Variants in ENOX2 observed in about 807,000 individuals in gnomAD.
The protein encoded by ENOX2 is APK1 antigen.
In ENOX2, 36 loss-of-function variants were observed where a neutral mutation model predicts 45.0. That is an observed-to-expected ratio of 0.80 (90% confidence interval 0.61 to 1.06). ENOX2 has a LOEUF of 1.06. ENOX2 is among the 50% of genes least tolerant of loss of function. The probability of loss-of-function intolerance (pLI) is 0.00; values close to 1 mark genes in which losing one functional copy is unlikely to be tolerated. For synonymous variants in ENOX2, 174 were observed against 152.3 expected (o/e 1.14, Z -1.05); for missense variants, 423 against 462.5 (o/e 0.91, Z 0.78).
intron 9 of ENOX2, among the ~76,000 whole-genome samples, chrX:130,660,144 G>A (rs2036649361): frequency 9.0e-6 from 1 of 111,523 alleles, no homozygotes; most frequent in Non-Finnish European, 1.9e-5. Context: ...AACTGGCAGA[G>A]CTCAGAGCCC....
At chrX:130,630,421 T>A (rs1466526973) in intron 13 of ENOX2, among the ~76,000 whole-genome samples, 2 of 109,585 alleles carry the variant, frequency 1.8e-5, no homozygotes, top group African/African-American at 3.3e-5. Context: ...GAGGAGAGAG[T>A]GGCTGGAGAT....
chrX:130,846,944 T>C (rs1182252766), intron 2 of ENOX2, among the ~76,000 whole-genome samples: 2 of 112,460 alleles, frequency 1.8e-5, no homozygotes, highest in East Asian at 5.6e-4. Flanking sequence ...GTAGAGTTTT[T>C]CCCACAAAAG....
chrX:130,876,378 G>T (rs1411258285), intron 2 of ENOX2, among the ~76,000 whole-genome samples: 2 of 111,780 alleles, frequency 1.8e-5, no homozygotes, highest in African/African-American at 6.5e-5. Context: ...CCATTCATAT[G>T]GAATGTCCAG....
chrX:130,744,419 T>C (rs2039053960), intron 3 of ENOX2, among the ~76,000 whole-genome samples: 2 of 112,346 alleles, frequency 1.8e-5, no homozygotes, highest in Admixed American at 1.9e-4. Flanking sequence ...GAGACACATT[T>C]ATTTATTTTT....
At chrX:130,703,512 TTCTC>T (rs59009662) in intron 3 of ENOX2, among the ~76,000 whole-genome samples, 1,453 of 105,423 alleles carry the variant, frequency 0.014, 10 homozygotes, top group Non-Finnish European at 0.021. Context: ...CCTTTCTTCC[TTCTC>T]TCTCTCTCTC....
intron 2 of ENOX2, among the ~76,000 whole-genome samples, chrX:130,888,944 C>A (rs1398170223): frequency 9.0e-6 from 1 of 111,649 alleles, no homozygotes; most frequent in Admixed American, 9.5e-5. Context: ...TAATGAGCAT[C>A]TCCTTTTGTT....
At chrX:130,758,426 T>C (rs1174256188) in intron 3 of ENOX2, among the ~76,000 whole-genome samples, 2 of 112,615 alleles carry the variant, frequency 1.8e-5, no homozygotes, top group Admixed American at 1.9e-4. Context: ...TGGAAATTCA[T>C]CGATGTTGTT....
rs1218479855 is a variant in ENOX2, at chrX:130,822,035, T to A, written c.-182-38345A>T. Among the ~76,000 whole-genome samples the A allele has an allele frequency of 5.8e-5, 5 of 85,731 alleles. No individual in the cohort carries two copies. The Admixed American group carries it at 8.2e-4, about 14-fold the overall frequency. The allele number at this position is 85,731 out of a possible 115,157, so 74.4% of individuals were successfully genotyped here. A position where few individuals can be genotyped will look rare whatever the true frequency, so the allele number is the denominator to read the frequency against. ...GTGAGCCGAGATCGCACCACTGCAC[T>A]CCAGCCTGGGTGACAGAGTGAGACT... is the stretch of plus-strand genomic sequence containing the variant. On this transcript the variant is annotated intron_variant, in intron 2 of 14. Transcript: ENST00000394363.
At chrX:130,899,304 T>G (rs2148601909) in intron 2 of ENOX2, among the ~76,000 whole-genome samples, 1 of 112,312 alleles carries the variant, frequency 8.9e-6, no homozygotes, top group African/African-American at 3.2e-5. Context: ...AGGTCCCCAG[T>G]TATATTCATG....
chrX:130,734,764 C>A (rs750843624), intron 3 of ENOX2, among the ~76,000 whole-genome samples: 8 of 112,205 alleles, frequency 7.1e-5, no homozygotes, highest in Admixed American at 9.4e-5. Context: ...TGCATTCATA[C>A]CACTGGCAGA....
intron 10 of ENOX2, among the ~76,000 whole-genome samples, chrX:130,647,654 A>G (rs182654060): frequency 3.6e-5 from 4 of 112,027 alleles, no homozygotes; most frequent in East Asian, 5.6e-4. Context: ...CAACTCTCCT[A>G]TATTCCTTCA....
intron 3 of ENOX2, among the ~76,000 whole-genome samples, chrX:130,725,529 A>C (rs1191022730): frequency 9.2e-6 from 1 of 109,180 alleles, no homozygotes; most frequent in African/African-American, 3.4e-5. Context: ...GACCTACCCC[A>C]CCTCAACATG....
Position 130,765,107 on chromosome X carries a change from A to T in ENOX2, c.-39+18440T>A, listed in dbSNP as rs183660350. ...AAGCATTGGGCTACATACTTTATGA[A>T]TTTGTATTTATTTTAGGGTCTCAGG... On this transcript the variant is annotated intron_variant, in intron 3 of 14. Transcript: ENST00000394363. Among the ~76,000 whole-genome samples the T allele has an allele frequency of 8.4e-3, 930 of 111,311 alleles. 10 individuals are homozygous for T. Among genetic ancestry groups the T allele is most frequent in the African/African-American group, 0.028 (874 of 30,702 alleles).
intron 2 of ENOX2, among the ~76,000 whole-genome samples, chrX:130,857,035 G>C (rs919798652): frequency 1.8e-5 from 2 of 111,702 alleles, no homozygotes; most frequent in Non-Finnish European, 3.8e-5. Flanking sequence ...TCATAATACA[G>C]AGAAAAATTG....
chrX:130,895,299 G>C (rs189769747), intron 2 of ENOX2, among the ~76,000 whole-genome samples: 1 of 111,827 alleles, frequency 8.9e-6, no homozygotes, highest in Admixed American at 9.5e-5. Context: ...AGTAATCCTA[G>C]TGAAGTATGT....
chrX:130,840,639 T>C (rs1284920855), intron 2 of ENOX2, among the ~76,000 whole-genome samples: 1 of 111,042 alleles, frequency 9.0e-6, no homozygotes, highest in Non-Finnish European at 1.9e-5. Context: ...GGGCAAGGCA[T>C]GTGGATTCCT....
intron 10 of ENOX2, among the ~76,000 whole-genome samples, chrX:130,638,357 C>T (rs1275834171): frequency 9.1e-6 from 1 of 109,786 alleles, no homozygotes; most frequent in Non-Finnish European, 1.9e-5. Context: ...TGAGCCACCA[C>T]GCCTGGCCCA....
At chrX:130,888,787 G>A (rs188280062) in intron 2 of ENOX2, among the ~76,000 whole-genome samples, 3 of 111,943 alleles carry the variant, frequency 2.7e-5, no homozygotes, top group Admixed American at 9.5e-5. Context: ...AGCAGGGAAC[G>A]TTTTTGAGAA....
chrX:130,817,215 C>G (rs1434084240), intron 2 of ENOX2, among the ~76,000 whole-genome samples: 1 of 111,622 alleles, frequency 9.0e-6, no homozygotes, highest in Non-Finnish European at 1.9e-5. Context: ...AAGACTAAAC[C>G]AGGAAGAAGT....
Sources: gnomAD v4.1 joint callset for allele counts (sites outside exome capture counted in the v4.1 genomes callset) on GRCh38, gnomAD v4.1.1 for gene constraint, MANE v1.5 for transcripts, NCBI Gene and HGNC (gene_info 2026-07-23, HGNC 2026-07-21) for gene names.